Variants in ACTR3C observed in about 807,000 individuals in gnomAD.
The protein encoded by ACTR3C is actin related protein 3C, also known as actin-related protein 3C.
ACTR3C carries 18 observed loss-of-function variants against 26.3 expected under a neutral mutation model. That is an observed-to-expected ratio of 0.68 (90% CI 0.47 to 1.01). The LOEUF (loss-of-function observed/expected upper bound fraction) is 1.01. ACTR3C is among the 50% of genes least tolerant of loss of function. The pLI, the probability that ACTR3C is intolerant of heterozygous loss-of-function variation, is 0.00. For missense variants in ACTR3C, 184 were observed against 250.7 expected (o/e 0.73, Z 1.80); for synonymous variants, 55 against 94.5 (o/e 0.58, Z 2.42).
chr7:149,954,473 C>CA, the ACTR3C span, among the ~76,000 whole-genome samples: 1 of 152,138 alleles, frequency 6.6e-6, no homozygotes, highest in Non-Finnish European at 1.5e-5. Context: ...AAACAGTAAA[C>CA]ATGGAACTGT....
chr7:150,186,624 C>G, the ACTR3C span, among the ~76,000 whole-genome samples: 1 of 152,170 alleles, frequency 6.6e-6, no homozygotes, highest in African/African-American at 2.4e-5. Flanking sequence ...TTTCAACCCC[C>G]ATATGCTCAG....
chr7:149,979,982 G>A, the ACTR3C span, among the ~76,000 whole-genome samples: 3 of 151,620 alleles, frequency 2.0e-5, no homozygotes, highest in Non-Finnish European at 4.4e-5. Flanking sequence ...GGACCAAGCT[G>A]AGCTTAGAAT....
the ACTR3C span, among the ~76,000 whole-genome samples, chr7:150,020,408 C>T: frequency 3.3e-5 from 5 of 152,162 alleles, no homozygotes; most frequent in South Asian, 4.2e-4. Context: ...AGACCTATTT[C>T]GGTTTCTGTT....
the ACTR3C span, among the ~76,000 whole-genome samples, chr7:150,221,231 T>C: frequency 6.6e-6 from 1 of 152,232 alleles, no homozygotes; most frequent in Non-Finnish European, 1.5e-5. Context: ...GTACATCCAT[T>C]CCTTTCTGCA....
At chr7:150,212,365 G>A in the ACTR3C span, among the ~76,000 whole-genome samples, 2 of 148,226 alleles carry the variant, frequency 1.3e-5, no homozygotes, top group South Asian at 2.1e-4. Context: ...TTATGTATGA[G>A]CTTAGATTCA....
At chr7:149,881,880 C>A in the ACTR3C span, 4,063 of 153,044 alleles carry the variant, frequency 0.027, 171 homozygotes, top group African/African-American at 0.093. Flanking sequence ...TTGTCCTCTA[C>A]CCCCAAGAAG....
the ACTR3C span, among the ~76,000 whole-genome samples, chr7:150,118,748 C>A: frequency 2.1e-5 from 3 of 141,260 alleles, no homozygotes; most frequent in Admixed American, 1.4e-4. Flanking sequence ...CACAAAGATT[C>A]TCCTCGAGAA....
intron 6 of ACTR3C, among the ~76,000 whole-genome samples, chr7:150,260,156 G>A (rs1444695733): frequency 2.0e-5 from 3 of 152,128 alleles, no homozygotes; most frequent in Non-Finnish European, 4.4e-5. Context: ...CTGCCTTGTG[G>A]CCTGCAAAAT....
the ACTR3C span, among the ~76,000 whole-genome samples, chr7:150,131,984 T>C: frequency 6.6e-6 from 1 of 152,220 alleles, no homozygotes; most frequent in Admixed American, 6.5e-5. Context: ...ATTCCACTTA[T>C]ATGGAATGAT....
At chr7:150,039,131 C>T in the ACTR3C span, among the ~76,000 whole-genome samples, 5 of 149,532 alleles carry the variant, frequency 3.3e-5, no homozygotes, top group African/African-American at 9.9e-5. Flanking sequence ...TTAGGATCAA[C>T]GATCGGGGGT....
At chr7:149,928,065 G>A in the ACTR3C span, among the ~76,000 whole-genome samples, 1 of 152,158 alleles carries the variant, frequency 6.6e-6, no homozygotes. Context: ...GCACACTAAT[G>A]AGTGTAATTT....
chr7:150,226,740 A>G, the ACTR3C span, among the ~76,000 whole-genome samples: 1 of 152,046 alleles, frequency 6.6e-6, no homozygotes, highest in Non-Finnish European at 1.5e-5. Flanking sequence ...GCCCCGCCTC[A>G]TTGCCGTTTT....
intron 6 of ACTR3C, among the ~76,000 whole-genome samples, chr7:150,275,758 T>G (rs547322843): frequency 2.8e-4 from 43 of 152,208 alleles, no homozygotes; most frequent in African/African-American, 1.0e-3. Flanking sequence ...GAGTAACTTC[T>G]CCTTTGTAAA....
chr7:150,049,193 G>A, the ACTR3C span, among the ~76,000 whole-genome samples: 1 of 151,996 alleles, frequency 6.6e-6, no homozygotes, highest in African/African-American at 2.4e-5. Context: ...CTCCAGGCCC[G>A]GCCTGGCTTC....
the ACTR3C span, chr7:150,001,092 A>T: frequency 6.6e-6 from 1 of 152,196 alleles, no homozygotes; most frequent in East Asian, 1.9e-4. Context: ...GCCGCCTCCC[A>T]GGAAAAAGCA....
the ACTR3C span, among the ~76,000 whole-genome samples, chr7:150,042,400 G>T: frequency 7.7e-6 from 1 of 129,684 alleles, no homozygotes; most frequent in Admixed American, 7.6e-5. Context: ...AGAGGGGCTC[G>T]CTCTCAGTCC....
the ACTR3C span, among the ~76,000 whole-genome samples, chr7:150,206,414 TTATTA>T: frequency 2.6e-5 from 4 of 151,878 alleles, no homozygotes; most frequent in African/African-American, 9.7e-5. Flanking sequence ...TTTTTTTATT[TTATTA>T]TTATTTTTTT....
chr7:149,913,364 C>CTAG, the ACTR3C span, among the ~76,000 whole-genome samples: 1 of 152,236 alleles, frequency 6.6e-6, no homozygotes, highest in African/African-American at 2.4e-5. Flanking sequence ...AGGCACTGTA[C>CTAG]TAGTCACTGA....
chr7:150,220,719 C>T, the ACTR3C span, among the ~76,000 whole-genome samples: 3 of 152,278 alleles, frequency 2.0e-5, no homozygotes, highest in African/African-American at 7.2e-5. Context: ...TGGGGAAACC[C>T]GCGAAAGCCA....
Sources: gnomAD v4.1 joint callset for allele counts (sites outside exome capture counted in the v4.1 genomes callset) on GRCh38, gnomAD v4.1.1 for gene constraint, MANE v1.5 for transcripts, NCBI Gene and HGNC (gene_info 2026-07-23, HGNC 2026-07-21) for gene names.